MAGI1: variants seen among roughly 807,000 people sequenced by gnomAD.
MAGI1 encodes the protein membrane associated guanylate kinase, WW and PDZ domain containing 1, also known as membrane-associated guanylate kinase, WW and PDZ domain-containing protein 1.
In MAGI1, 58 loss-of-function variants were observed where a neutral mutation model predicts 139.9. The ratio of observed to expected loss-of-function variants is 0.41; its 90% confidence interval spans 0.34 to 0.52. The LOEUF is 0.52. MAGI1 is among the 20% of genes least tolerant of loss of function. MAGI1 has a pLI of 0.12. For missense variants in MAGI1, 1,874 were observed against 1,901.6 expected, an observed-to-expected ratio of 0.99 and a Z score of 0.27; for synonymous variants, 812 against 737.9, an observed-to-expected ratio of 1.10 and a Z score of -1.63.
chr3:65,810,442 A>G (rs777416902), intron 1 of MAGI1, among the ~76,000 whole-genome samples: 3 of 152,286 alleles, frequency 2.0e-5, no homozygotes, highest in Admixed American at 6.5e-5. Context: ...TAAATGAAAC[A>G]TGAGTAATTC....
chr3:65,875,899 G>A (rs963945832), intron 1 of MAGI1, among the ~76,000 whole-genome samples: 1 of 152,100 alleles, frequency 6.6e-6, no homozygotes, highest in Non-Finnish European at 1.5e-5. Context: ...TGGCTGAGAG[G>A]GGATGAGAGT....
rs1434240340 is a variant in MAGI1, at chr3:65,727,431, T to C, written c.314-105343A>G. Among the ~76,000 whole-genome samples, 3 of 152,308 alleles carry C rather than the reference T, an allele frequency of 2.0e-5. No individual in the cohort carries two copies. In the East Asian group the frequency reaches 5.8e-4, roughly 29 times the overall value. The stretch of plus-strand genomic sequence containing the variant: ...TTGTTTTTGAGGTGGGGTCTTGCTA[T>C]ATTGCTCAGGCTGGCCTTGAACTTC... On this transcript the variant is annotated intron_variant, in intron 1 of 22. Coordinates refer to ENST00000402939, the MANE Select transcript of MAGI1 (RefSeq NM_001033057.2).
intron 2 of MAGI1, among the ~76,000 whole-genome samples, chr3:65,609,408 G>C (rs113177339): frequency 1.2e-4 from 18 of 151,784 alleles, no homozygotes; most frequent in African/African-American, 4.3e-4. Context: ...CTCCCAACTA[G>C]CTGGGACTAC....
intron 5 of MAGI1, among the ~76,000 whole-genome samples, chr3:65,464,713 CT>C (rs1438904358): frequency 6.6e-6 from 1 of 152,036 alleles, no homozygotes; most frequent in Non-Finnish European, 1.5e-5. Context: ...TTTTAATTCA[CT>C]TTGCCATTCC....
At chr3:65,868,432 A>C (rs183064058) in intron 1 of MAGI1, among the ~76,000 whole-genome samples, 3 of 152,292 alleles carry the variant, frequency 2.0e-5, no homozygotes, top group Admixed American at 2.0e-4. Flanking sequence ...CGCAGATTCA[A>C]AATGCTGTTT....
At chr3:65,826,070 T>C (rs1006975690) in intron 1 of MAGI1, among the ~76,000 whole-genome samples, 2 of 152,142 alleles carry the variant, frequency 1.3e-5, no homozygotes, top group Non-Finnish European at 2.9e-5. Context: ...AGTAGTTGTA[T>C]ATATGTGTAG....
intron 1 of MAGI1, among the ~76,000 whole-genome samples, chr3:66,032,495 C>T (rs1213402390): frequency 5.4e-5 from 8 of 148,964 alleles, no homozygotes; most frequent in Admixed American, 4.7e-4. Context: ...GCTGGGATTA[C>T]AGGCATGAGC....
Position 65,907,047 on chromosome 3 carries a change from CTT to C in MAGI1, c.313+130947_313+130948del, listed in dbSNP as rs1356734091. ...AAATTCAGTGAGAAAAATCTTGCCTCTTGTTTACAAAAAAAAAAAAACACTCC... is the reference window on the plus strand; with the variant it reads ...AAATTCAGTGAGAAAAATCTTGCCTCGTTTACAAAAAAAAAAAAACACTCC... On this transcript the variant is annotated intron_variant, in intron 1 of 22. Coordinates refer to ENST00000402939, the MANE Select transcript of MAGI1 (RefSeq NM_001033057.2). Among the ~76,000 whole-genome samples the C allele has an allele frequency of 6.1e-4, 85 of 140,154 alleles. 1 individual carries two copies. Among genetic ancestry groups the C allele is most frequent in the South Asian group, 5.1e-3 (22 of 4,276 alleles). The allele number at this position is 140,154 out of a possible 152,430, so 91.9% of individuals were successfully genotyped here.
At chr3:65,407,767 G>A (rs1463735000) in intron 12 of MAGI1, among the ~76,000 whole-genome samples, 1 of 152,102 alleles carries the variant, frequency 6.6e-6, no homozygotes, top group Non-Finnish European at 1.5e-5. Flanking sequence ...CTTATTTTCA[G>A]TATTTTCAAA....
intron 4 of MAGI1, among the ~76,000 whole-genome samples, 198 bp from the exon 5 acceptor site, chr3:65,470,682 G>A (rs1950507103): frequency 2.6e-5 from 4 of 151,962 alleles, no homozygotes; most frequent in African/African-American, 4.8e-5. Flanking sequence ...AGAAAGCATC[G>A]AAATGATCAA....
intron 2 of MAGI1, among the ~76,000 whole-genome samples, chr3:65,547,743 T>C (rs2079572551): frequency 6.6e-6 from 1 of 152,086 alleles, no homozygotes; most frequent in South Asian, 2.1e-4. Context: ...GAGGAATATA[T>C]ATATGAAGAG....
At chr3:65,559,088 G>A (rs1006333266) in intron 2 of MAGI1, among the ~76,000 whole-genome samples, 7 of 152,048 alleles carry the variant, frequency 4.6e-5, no homozygotes, top group Admixed American at 3.9e-4. Context: ...CAACAAAGAA[G>A]ACAAAAGAAT....
At chr3:65,371,910 C>T (rs1274887753) in intron 18 of MAGI1, 4 of 448,538 alleles carry the variant, frequency 8.9e-6, no homozygotes, top group Non-Finnish European at 1.3e-5. Context: ...TTGCTATTTC[C>T]ACCACAAAGG....
At chr3:65,478,822 G>C in intron 3 of MAGI1, 24 bp from the exon 4 acceptor site, 1 of 1,561,902 alleles carries the variant, frequency 6.4e-7, no homozygotes, top group Non-Finnish European at 8.8e-7. Context: ...AGACACATTT[G>C]CATGTTTCAA....
intron 2 of MAGI1, among the ~76,000 whole-genome samples, chr3:65,565,074 G>A (rs2080548332): frequency 6.6e-6 from 1 of 152,138 alleles, no homozygotes; most frequent in South Asian, 2.1e-4. Context: ...TCCAAAACAA[G>A]CCTGCAAGCA....
chr3:65,471,596 C>T (rs1950563329), intron 4 of MAGI1, among the ~76,000 whole-genome samples: 1 of 152,152 alleles, frequency 6.6e-6, no homozygotes, highest in Non-Finnish European at 1.5e-5. Flanking sequence ...AGCCCTGCAT[C>T]TATTTGCTCT....
chr3:65,509,709 C>T (rs577518679), intron 2 of MAGI1, among the ~76,000 whole-genome samples: 2 of 152,014 alleles, frequency 1.3e-5, no homozygotes, highest in African/African-American at 2.4e-5. Flanking sequence ...AACTGCAAGG[C>T]GGCAACGAGG....
chr3:65,588,423 A>G (rs1304131125), intron 2 of MAGI1, among the ~76,000 whole-genome samples: 1 of 152,208 alleles, frequency 6.6e-6, no homozygotes, highest in Non-Finnish European at 1.5e-5. Context: ...AACACTGACC[A>G]AAGATGACAA....
At chr3:65,437,025 T>C (rs947782908) in intron 10 of MAGI1, 130 bp downstream of exon 10, 1 of 513,326 alleles carries the variant, frequency 1.9e-6, no homozygotes. Context: ...TATCATTGTT[T>C]TCATTATTTA....
Sources: gnomAD v4.1 joint callset for allele counts (sites outside exome capture counted in the v4.1 genomes callset) on GRCh38, gnomAD v4.1.1 for gene constraint, MANE v1.5 for transcripts, NCBI Gene and HGNC (gene_info 2026-07-23, HGNC 2026-07-21) for gene names.